Variants in AZIN2 observed in about 807,000 individuals in gnomAD.
AZIN2 encodes the protein ODC antizyme inhibitor-2.
In AZIN2, 28 loss-of-function variants were observed where a neutral mutation model predicts 47.8. The observed-to-expected ratio is 0.59, with a 90% CI of 0.43 to 0.80. The LOEUF (loss-of-function observed/expected upper bound fraction) is 0.80, where lower values mean the gene tolerates loss of function less well. Ranked by LOEUF, AZIN2 falls within the 30% of genes least tolerant of loss-of-function variation. The pLI is 0.00. For synonymous variants in AZIN2, 221 were observed against 239.4 expected (o/e 0.92, Z 0.71); for missense variants, 535 against 582.5 (o/e 0.92, Z 0.84).
At chr1:33,137,810 AC>A in the AZIN2 span, among the ~76,000 whole-genome samples, 171 of 152,108 alleles carry the variant, frequency 1.1e-3, 1 homozygote, top group Non-Finnish European at 2.2e-3. Context: ...AAAGCTGGCC[AC>A]GGTACAAGGG....
At chr1:33,129,624 G>A in the AZIN2 span, among the ~76,000 whole-genome samples, 2 of 152,122 alleles carry the variant, frequency 1.3e-5, no homozygotes, top group Admixed American at 6.5e-5. The surrounding 1 kb of genome is among the most constrained non-coding windows in gnomAD (Gnocchi z 4.1). Context: ...GTGTAAATAT[G>A]GACCTTGTGA....
chr1:33,094,822 A>C, intron 8 of AZIN2, 109 bp downstream of exon 8: 1 of 1,213,522 alleles, frequency 8.2e-7, no homozygotes, highest in Non-Finnish European at 1.2e-6. Context: ...CACTGCATGC[A>C]GTGCTTGGTG....
At chr1:33,085,218 T>C (rs1485185002) in intron 5 of AZIN2, among the ~76,000 whole-genome samples, 4 of 145,958 alleles carry the variant, frequency 2.7e-5, no homozygotes, top group African/African-American at 1.0e-4. Context: ...CCTTCCTTCA[T>C]GGAGCTTGTT....
chr1:33,086,183 C>A (rs1369806131), intron 5 of AZIN2, among the ~76,000 whole-genome samples: 1 of 152,104 alleles, frequency 6.6e-6, no homozygotes, highest in Non-Finnish European at 1.5e-5. Flanking sequence ...TACACGATCT[C>A]ATTTTATTCT....
chr1:33,121,435 T>C lies in AZIN2; in HGVS notation c.*1253T>C, dbSNP rs1250869883. ...AAAATTAGCCAGGTGTGGTGGTATGTGCCTGTAATTCCAGCTACTCAGGAG... is the reference window on the plus strand; with the variant it reads ...AAAATTAGCCAGGTGTGGTGGTATGCGCCTGTAATTCCAGCTACTCAGGAG... On this transcript the variant is annotated 3_prime_UTR_variant, in exon 12 of 12. Coordinates refer to ENST00000294517, the MANE Select transcript of AZIN2 (RefSeq NM_052998.4). Among the ~76,000 whole-genome samples the C allele has an allele frequency of 1.3e-5, 2 of 152,070 alleles. No homozygotes were observed. Among genetic ancestry groups the C allele is most frequent in the Admixed American group, 1.3e-4 (2 of 15,268 alleles).
At chr1:33,154,588 A>G in the AZIN2 span, among the ~76,000 whole-genome samples, 1 of 151,850 alleles carries the variant, frequency 6.6e-6, no homozygotes, top group Admixed American at 6.6e-5. Flanking sequence ...TCACGAGGTC[A>G]GGAGTTCAAG....
rs1466882470 is a variant in AZIN2 at position 33,120,354 on chromosome 1, C to T, written c.*172C>T. 6.8e-5 allele frequency: 58 copies of T among 848,082 alleles called. No individual in the cohort carries two copies. The highest frequency in any genetic ancestry group is 9.5e-5 in the Non-Finnish European group (54 of 565,480). 52.5% of individuals were successfully genotyped at this position (848,082 alleles called of 1,614,324 possible). A position where few individuals can be genotyped will look rare whatever the true frequency, so the allele number is the denominator to read the frequency against. ...CTGTAAATAGGACCAGTCTTACACTCGCTGTAGTTCAAGTATGCAACATAA... is the reference window on the plus strand; with the variant it reads ...CTGTAAATAGGACCAGTCTTACACTTGCTGTAGTTCAAGTATGCAACATAA... On this transcript the variant is annotated 3_prime_UTR_variant, in exon 12 of 12. Coordinates refer to ENST00000294517, the MANE Select transcript of AZIN2 (RefSeq NM_052998.4).
At chr1:33,136,403 C>A in the AZIN2 span, among the ~76,000 whole-genome samples, 25 of 151,274 alleles carry the variant, frequency 1.7e-4, no homozygotes, top group African/African-American at 6.1e-4. Context: ...TAGTGCCTCG[C>A]CATCACCCAG....
At chr1:33,094,815 T>G in intron 8 of AZIN2, 102 bp downstream of exon 8, 1 of 1,255,584 alleles carries the variant, frequency 8.0e-7, no homozygotes, top group Non-Finnish European at 1.1e-6. Flanking sequence ...TCCTATGCAC[T>G]GCATGCAGTG....
chr1:33,159,291 ATAT>A, the AZIN2 span, among the ~76,000 whole-genome samples: 1 of 152,120 alleles, frequency 6.6e-6, no homozygotes, highest in Non-Finnish European at 1.5e-5. The surrounding 1 kb of genome is among the most constrained non-coding windows in gnomAD (Gnocchi z 4.2). Flanking sequence ...TAATATATTT[ATAT>A]TATGATTGTA....
In AZIN2 at chr1:33,084,096, A is replaced by C. The variant is rs748716677; in HGVS notation, c.248A>C (p.Gln83Pro). Residue 83 changes from glutamine (Q) to proline (P), a missense_variant, in exon 5 of 12, where the codon CAG becomes CCG. Gln to Pro is a moderately conservative substitution (Grantham distance 76). Coordinates refer to ENST00000294517, the MANE Select transcript of AZIN2 (RefSeq NM_052998.4). ...SSPGVLKVLA[Q>P]LGLGFSCANK... is the part of the protein sequence containing the mutation. Reference sequence around the variant, plus strand: ...CCAGGTGTGCTGAAGGTTCTGGCCCAGCTGGGGCTGGGCTTTAGCTGTGCC... The same window carrying C: ...CCAGGTGTGCTGAAGGTTCTGGCCCCGCTGGGGCTGGGCTTTAGCTGTGCC... 8 of 1,612,896 alleles carry C rather than the reference A, an allele frequency of 5.0e-6. No homozygotes were observed. The highest frequency in any genetic ancestry group is 1.8e-4 in the Middle Eastern group (1 of 5,644).
At chr1:33,154,878 G>A in the AZIN2 span, among the ~76,000 whole-genome samples, 1 of 151,744 alleles carries the variant, frequency 6.6e-6, no homozygotes, top group Non-Finnish European at 1.5e-5. Context: ...CAGAACATGA[G>A]GTCAGGAGAT....
the AZIN2 span, among the ~76,000 whole-genome samples, chr1:33,156,354 A>G: frequency 2.6e-5 from 4 of 152,206 alleles, no homozygotes; most frequent in African/African-American, 4.8e-5. Flanking sequence ...GCTCCACCCA[A>G]CCAGCTCTCA....
rs1473795493 is a variant in AZIN2, at chr1:33,120,419, C to A, written c.*237C>A. Reference sequence around the variant, plus strand: ...AGCTGTGTCTGCCTCCTCTGCAGTGCAAGGGGCCTGGTCAGCCAGGTGTGG... The same window carrying A: ...AGCTGTGTCTGCCTCCTCTGCAGTGAAAGGGGCCTGGTCAGCCAGGTGTGG... On this transcript the variant is annotated 3_prime_UTR_variant, in exon 12 of 12. Coordinates refer to ENST00000294517, the MANE Select transcript of AZIN2 (RefSeq NM_052998.4). The A allele has an allele frequency of 5.4e-6, 3 of 556,476 alleles. No homozygotes were observed. Among genetic ancestry groups the A allele is most frequent in the Non-Finnish European group, 9.0e-6 (3 of 334,296 alleles). 34.5% of individuals were successfully genotyped at this position (556,476 alleles called of 1,614,324 possible).
At chr1:33,145,795 T>C in the AZIN2 span, 1 of 464,040 alleles carries the variant, frequency 2.2e-6, no homozygotes, top group Non-Finnish European at 4.5e-6. Flanking sequence ...CCCGAGTTCT[T>C]CACGATTGGA....
At chr1:33,087,575 T>C (rs1409947870) in intron 5 of AZIN2, among the ~76,000 whole-genome samples, 1 of 151,958 alleles carries the variant, frequency 6.6e-6, no homozygotes, top group Non-Finnish European at 1.5e-5. Context: ...CAGCTGGGAT[T>C]ACAGGTGCCT....
intron 8 of AZIN2, 139 bp from the exon 9 acceptor site, chr1:33,096,568 C>A: frequency 9.6e-7 from 1 of 1,041,644 alleles, no homozygotes; most frequent in Non-Finnish European, 1.4e-6. Flanking sequence ...CAGTTATCAG[C>A]TGGGGCCTTA....
At chr1:33,113,000 G>A (rs909776641) in intron 10 of AZIN2, among the ~76,000 whole-genome samples, 3 of 151,960 alleles carry the variant, frequency 2.0e-5, no homozygotes, top group Non-Finnish European at 2.9e-5. Context: ...TTGAGACGGC[G>A]TCTCGCTCTG....
chr1:33,116,023 CA>C (rs1422379237), intron 10 of AZIN2, among the ~76,000 whole-genome samples: 1 of 152,136 alleles, frequency 6.6e-6, no homozygotes, highest in Non-Finnish European at 1.5e-5. Context: ...TATTCATCAA[CA>C]AAAAGTTTAT....
Sources: allele counts gnomAD v4.1 joint callset (sites outside exome capture counted in the v4.1 genomes callset), GRCh38; gene constraint gnomAD v4.1.1; non-coding constraint Gnocchi (gnomAD v3.1); transcripts MANE v1.5; gene names NCBI Gene and HGNC (gene_info 2026-07-23, HGNC 2026-07-21).